ABCC6: variants seen among roughly 807,000 people sequenced by gnomAD.
The protein encoded by ABCC6 is ATP-binding cassette sub-family C member 6.
ABCC6 carries 126 observed loss-of-function variants against 169.5 expected under a neutral mutation model. The observed-to-expected ratio is 0.74, with a 90% CI of 0.64 to 0.86. The LOEUF (loss-of-function observed/expected upper bound fraction) is 0.86. ABCC6 is among the 40% of genes least tolerant of loss of function. The pLI, the probability that ABCC6 is intolerant of heterozygous loss-of-function variation, is 0.00. For missense variants in ABCC6, 1,733 were observed against 1,927.2 expected (o/e 0.90, Z 1.89); for synonymous variants, 752 against 814.7 (o/e 0.92, Z 1.31).
In ABCC6 at chr16:16,178,802, C is replaced by T. The variant is rs756398303; in HGVS notation, c.2411G>A (p.Gly804Glu). Residue 804 changes from glycine (G) to glutamate (E), a missense_variant, in exon 18 of 31, where the codon GGA (glycine) becomes GAA (glutamate). Gly to Glu is a moderately conservative substitution (Grantham distance 98). Around this residue, in one of 5 missense-constraint regions of ABCC6, gnomAD observed 1,601 missense variants for 1,635.5 expected, o/e 0.98. Coordinates refer to ENST00000205557, the MANE Select transcript of ABCC6 (RefSeq NM_001171.6). ...GACACATGTTCCCAAACTTACTGTT[C>T]CCTGGAGTAGTCCACCAGGCCCAAT... ...QVIGPGGLLQ[G>E]TTRILVTHAL... The T allele has an allele frequency of 3.0e-5, 48 of 1,613,806 alleles. No individual in the cohort carries two copies. Among genetic ancestry groups the T allele is most frequent in the Non-Finnish European group, 2.5e-6 (3 of 1,180,050 alleles).
chr16:16,170,552 C>T (rs1040127125), intron 21 of ABCC6, among the ~76,000 whole-genome samples: 4 of 152,136 alleles, frequency 2.6e-5, no homozygotes, highest in Admixed American at 2.6e-4. Context: ...TGCACAGCTG[C>T]AGCCAGACGG....
chr16:16,177,153 A>G (rs1040332996), intron 19 of ABCC6, among the ~76,000 whole-genome samples: 2 of 152,244 alleles, frequency 1.3e-5, no homozygotes, highest in Admixed American at 6.5e-5. Context: ...TCTTTGCCTC[A>G]GTTTGCTCAT....
chr16:16,205,180 G>A (rs1025572898), intron 7 of ABCC6, among the ~76,000 whole-genome samples: 27 of 152,102 alleles, frequency 1.8e-4, no homozygotes, highest in Non-Finnish European at 3.7e-4. Flanking sequence ...GTGACCCGGG[G>A]CCACGTGCTG....
At chr16:16,163,631 T>A (rs902790464) in intron 23 of ABCC6, among the ~76,000 whole-genome samples, 1 of 152,166 alleles carries the variant, frequency 6.6e-6, no homozygotes, top group East Asian at 1.9e-4. Flanking sequence ...ATGAAGGCAG[T>A]TGGCCAAGTC....
In ABCC6 at chr16:16,157,776, G is replaced by A; in HGVS notation, c.3769C>T (p.Pro1257Ser). The stretch of plus-strand genomic sequence containing the variant: ...ATCTGCCCGCCCTGAGGCCAGGGGG[G>A]CTGAGCTGCACATGTGGGCAGCCTC... ...PWRLPTCAAQ[P>S]PWPQGGQIEF... Residue 1257 changes from proline (P) to serine (S), a missense_variant, in exon 27 of 31, where the codon CCC becomes TCC. Pro to Ser is a moderately conservative substitution (Grantham distance 74). Transcript: ENST00000205557. 1 of 1,613,324 alleles carries A rather than the reference G, an allele frequency of 6.2e-7. No homozygotes were observed. Among genetic ancestry groups the A allele is most frequent in the Non-Finnish European group, 8.5e-7 (1 of 1,180,002 alleles).
intron 30 of ABCC6, 95 bp from the exon 31 acceptor site, chr16:16,150,336 C>T (rs2046351585): frequency 6.3e-7 from 1 of 1,579,738 alleles, no homozygotes; most frequent in Non-Finnish European, 8.6e-7. Flanking sequence ...AGGTTTTCTC[C>T]ATAGAAGTCC....
chr16:16,209,015 T>G (rs1183262953), intron 6 of ABCC6, among the ~76,000 whole-genome samples, 156 bp from the exon 7 acceptor site: 1 of 152,070 alleles, frequency 6.6e-6, no homozygotes. Flanking sequence ...TAACCCCACC[T>G]AATGTCTGCA....
intron 29 of ABCC6, among the ~76,000 whole-genome samples, chr16:16,151,089 G>A (rs1323530842): frequency 6.6e-6 from 1 of 151,542 alleles, no homozygotes; most frequent in Non-Finnish European, 1.5e-5. Context: ...TTTTGAGACG[G>A]AGTCTTGCTC....
In ABCC6 at chr16:16,203,633, T is replaced by C. The variant is rs760691317; in HGVS notation, c.795-20A>G. The C allele has an allele frequency of 6.2e-7, 1 of 1,612,798 alleles. No homozygotes were observed. The highest frequency in any genetic ancestry group is 8.5e-7 in the Non-Finnish European group (1 of 1,178,836). ...TTGTGCCTGAGGGGAAGGGAGAGATTAGCTCTGGGTCCCATTTTATACTCT... is the reference window on the plus strand; with the variant it reads ...TTGTGCCTGAGGGGAAGGGAGAGATCAGCTCTGGGTCCCATTTTATACTCT... On this transcript the variant is annotated intron_variant, in intron 7 of 30. Transcript: ENST00000205557.
At chr16:16,163,230 A>G (rs1198897410) in intron 23 of ABCC6, 38 bp from the exon 24 acceptor site, 4 of 1,595,514 alleles carry the variant, frequency 2.5e-6, no homozygotes, top group Non-Finnish European at 3.4e-6. Context: ...AGGAGAAGCC[A>G]CAGACATAGA....
rs375741855 is a variant in ABCC6, at chr16:16,155,023, G to A, written c.3891C>T (p.Ile1297=). 6.3e-5 allele frequency: 98 copies of A among 1,556,528 alleles called. No individual in the cohort carries two copies. The highest frequency in any genetic ancestry group is 7.8e-5 in the Non-Finnish European group (90 of 1,150,832). ...FKIHAGEKVG[I]VGRTGAGKSS... is the part of the protein sequence containing the mutation. ...ACTTCCCTGCCCCGGTCCTGCCAACGATGCCCACCTGCCCGGGGTTGGGAG... is the reference window on the plus strand; with the variant it reads ...ACTTCCCTGCCCCGGTCCTGCCAACAATGCCCACCTGCCCGGGGTTGGGAG... The change falls in exon 28 of 31, where the codon ATC becomes ATT. Residue 1297 remains isoleucine, a synonymous_variant. Transcript: ENST00000205557.
Position 16,163,046 on chromosome 16 carries a change from A to G in ABCC6, c.3453T>C (p.Asn1151=), listed in dbSNP as rs1485292431. The G allele has an allele frequency of 6.2e-6, 10 of 1,613,902 alleles. No homozygotes were observed. The highest frequency in any genetic ancestry group is 1.3e-5 in the African/African-American group (1 of 74,930). ...TCCTCTGGCTTTCATCTACGCGAGC[A>G]TTGTTCTGAGCCACAAAGGGGGCCT... ...RTQAPFVAQN[N]ARVDESQRIS... Residue 1151 remains asparagine (N), a synonymous_variant, in exon 24 of 31, where the codon AAT becomes AAC. Transcript: ENST00000205557.
intron 15 of ABCC6, among the ~76,000 whole-genome samples, chr16:16,183,572 C>T (rs984620257): frequency 9.8e-5 from 15 of 152,346 alleles, no homozygotes; most frequent in South Asian, 4.1e-4. Context: ...CGCCTCCTTC[C>T]GCTCTGTGCC....
intron 20 of ABCC6, among the ~76,000 whole-genome samples, chr16:16,175,270 G>A (rs1158823490): frequency 2.0e-5 from 3 of 152,094 alleles, no homozygotes; most frequent in Admixed American, 1.3e-4. Flanking sequence ...GATCGCTGCC[G>A]CCCACCACCC....
At chr16:16,189,407 C>G (rs1050328070) in intron 12 of ABCC6, among the ~76,000 whole-genome samples, 1 of 148,004 alleles carries the variant, frequency 6.8e-6, no homozygotes, top group Non-Finnish European at 1.5e-5. Flanking sequence ...GGTGTTGGTG[C>G]CATTTGTGGT....
chr16:16,161,256 A>C (rs2046707076), intron 25 of ABCC6, among the ~76,000 whole-genome samples, 182 bp downstream of exon 25: 1 of 151,566 alleles, frequency 6.6e-6, no homozygotes, highest in Non-Finnish European at 1.5e-5. Context: ...ACTCTTGCCC[A>C]AGGTTGCAAG....
intron 23 of ABCC6, among the ~76,000 whole-genome samples, chr16:16,163,545 G>T (rs955231227): frequency 3.9e-5 from 6 of 152,166 alleles, no homozygotes; most frequent in African/African-American, 1.4e-4. Context: ...TTTAGTTTAA[G>T]TGTCTCACTT....
rs148523594 is a variant in ABCC6 at position 16,187,957 on chromosome 16, C to T, written c.1780-746G>A. On this transcript the variant is annotated intron_variant, in intron 13 of 30. Transcript: ENST00000205557. ...TAAATAAATAAATAAGGCGGCCAGGCGCGGTGGCTCATGCCTGTAATCCTA... is the reference window on the plus strand; with the variant it reads ...TAAATAAATAAATAAGGCGGCCAGGTGCGGTGGCTCATGCCTGTAATCCTA... Among the ~76,000 whole-genome samples the T allele has an allele frequency of 9.0e-3, 1,359 of 151,268 alleles. 22 individuals carry two copies. Among genetic ancestry groups the T allele is most frequent in the African/African-American group, 0.031 (1,277 of 41,216 alleles).
chr16:16,181,662 G>C (rs181497007), intron 17 of ABCC6: 187 of 153,480 alleles, frequency 1.2e-3, no homozygotes, highest in Non-Finnish European at 2.1e-3. Context: ...CAGGGACCTT[G>C]CCAGGGATTG....
Sources: gnomAD v4.1 joint callset for allele counts (sites outside exome capture counted in the v4.1 genomes callset) on GRCh38, gnomAD v4.1.1 for gene constraint, gnomAD v4.1.1 regional missense constraint, MANE v1.5 for transcripts, NCBI Gene and HGNC (gene_info 2026-07-23, HGNC 2026-07-21) for gene names.